PRSS23: variants seen among roughly 807,000 people sequenced by gnomAD.
PRSS23 encodes the protein protease, serine 23.
PRSS23 carries 25 observed loss-of-function variants against 34.7 expected under a neutral mutation model. The observed-to-expected ratio is 0.72, with a 90% CI of 0.53 to 1.01. The LOEUF (loss-of-function observed/expected upper bound fraction) is 1.01. Ranked by LOEUF, PRSS23 falls within the 50% of genes least tolerant of loss-of-function variation. The pLI is 0.00. For synonymous variants in PRSS23, 176 were observed against 186.6 expected, an observed-to-expected ratio of 0.94 and a Z score of 0.46; for missense variants, 445 against 475.6, an observed-to-expected ratio of 0.94 and a Z score of 0.60.
At chr11:86,812,987 C>G (rs1488378685), downstream of PRSS23, among the ~76,000 whole-genome samples, 1 of 152,008 alleles carries the variant, frequency 6.6e-6, no homozygotes, top group Non-Finnish European at 1.5e-5. Context: ...TTTAAAGATC[C>G]TCCCTCTTCT....
chr11:86,823,836 C>T (rs553686571), intron 2 of PRSS23, among the ~76,000 whole-genome samples: 1 of 151,762 alleles, frequency 6.6e-6, no homozygotes, highest in Admixed American at 6.6e-5. Flanking sequence ...GAAACCCCGT[C>T]TCTACTAAAA....
At chr11:86,860,549 G>T (rs77210065) in intron 2 of PRSS23, among the ~76,000 whole-genome samples, 9 of 151,898 alleles carry the variant, frequency 5.9e-5, no homozygotes, top group Non-Finnish European at 8.8e-5. Context: ...TATCCAGGGA[G>T]GGAGAGGATG....
chr11:86,796,407 C>T (rs555554373), upstream of PRSS23, among the ~76,000 whole-genome samples: 8 of 151,934 alleles, frequency 5.3e-5, no homozygotes, highest in South Asian at 1.7e-3. Context: ...TTTGGGAGGC[C>T]GAGGCGGGCG....
chr11:86,830,985 A>C, intron 2 of PRSS23, among the ~76,000 whole-genome samples: 1 of 152,048 alleles, frequency 6.6e-6, no homozygotes. Context: ...TGTTACTCCT[A>C]ATGTCACAGG....
chr11:86,878,472 C>T (rs999889269), intron 2 of PRSS23, among the ~76,000 whole-genome samples: 1 of 152,116 alleles, frequency 6.6e-6, no homozygotes, highest in Non-Finnish European at 1.5e-5. Context: ...GCTGTGTTGG[C>T]TGGGCTGGTC....
At chr11:86,828,139 G>T (rs1376063040) in intron 2 of PRSS23, among the ~76,000 whole-genome samples, 1 of 152,182 alleles carries the variant, frequency 6.6e-6, no homozygotes, top group African/African-American at 2.4e-5. Context: ...AAGTCTCTTT[G>T]TAGGTCACTC....
At position 86,843,486 on chromosome 11, in the gene PRSS23, C is replaced by T. The variant is rs543613405; in HGVS notation, c.206+19893C>T. 2.0e-5 allele frequency among the ~76,000 whole-genome samples: 3 copies of T among 152,234 alleles called. No homozygotes were observed. In the South Asian group the frequency reaches 6.2e-4, roughly 32 times the overall value. Reference sequence around the variant, plus strand: ...AACTACCATCAGAGTGAACAGGCAACCTACAGAATGGGAGAAAATTTTTGC... The same window carrying T: ...AACTACCATCAGAGTGAACAGGCAATCTACAGAATGGGAGAAAATTTTTGC... On this transcript the variant is annotated intron_variant, in intron 2 of 2. Transcript: ENST00000533902.
chr11:86,950,238 C>CT (rs1408217321), intron 2 of PRSS23: 1 of 152,658 alleles, frequency 6.6e-6, no homozygotes, highest in Non-Finnish European at 1.5e-5. Context: ...TAAGTCCCCA[C>CT]TGCTCAATGC....
intron 1 of PRSS23, 122 bp from the exon 2 acceptor site, chr11:86,807,509 T>C: frequency 2.1e-6 from 2 of 948,642 alleles, no homozygotes; most frequent in Non-Finnish European, 3.2e-6. Context: ...CTCCACACCC[T>C]GATTCCTGAG....
intron 2 of PRSS23, among the ~76,000 whole-genome samples, chr11:86,906,300 G>T (rs1205454968): frequency 2.0e-5 from 3 of 152,300 alleles, no homozygotes; most frequent in African/African-American, 7.2e-5. Flanking sequence ...TGTTTTCATC[G>T]AAACCCTAAG....
intron 2 of PRSS23, among the ~76,000 whole-genome samples, chr11:86,865,596 A>G (rs1948644627): frequency 1.3e-5 from 2 of 152,210 alleles, no homozygotes; most frequent in Admixed American, 1.3e-4. Context: ...TGTTGTACAA[A>G]GCTCAAGATA....
At chr11:86,932,846 G>A (rs1303957904) in intron 2 of PRSS23, 1 of 152,122 alleles carries the variant, frequency 6.6e-6, no homozygotes, top group Non-Finnish European at 1.5e-5. Context: ...TTTTATTAAT[G>A]GGTGTCTGTC....
At chr11:86,887,676 C>G (rs565778009) in intron 2 of PRSS23, among the ~76,000 whole-genome samples, 1 of 152,094 alleles carries the variant, frequency 6.6e-6, no homozygotes, top group Non-Finnish European at 1.5e-5. Context: ...TTTCTGTCTT[C>G]GAGGAGCTCA....
intron 2 of PRSS23, among the ~76,000 whole-genome samples, chr11:86,852,391 A>G (rs950259278): frequency 1.3e-4 from 20 of 152,180 alleles, no homozygotes; most frequent in Non-Finnish European, 2.6e-4. Flanking sequence ...GGATTTCCTC[A>G]TAATAATGCA....
intron 2 of PRSS23, among the ~76,000 whole-genome samples, chr11:86,853,301 C>A (rs543431570): frequency 5.3e-5 from 6 of 113,422 alleles, no homozygotes; most frequent in African/African-American, 1.7e-4. Flanking sequence ...GTCACCCAGG[C>A]TGGAGTTCAG....
At chr11:86,838,953 G>A (rs569097808) in intron 2 of PRSS23, among the ~76,000 whole-genome samples, 125 of 151,992 alleles carry the variant, frequency 8.2e-4, no homozygotes, top group Non-Finnish European at 1.5e-3. Flanking sequence ...TCAACAAAAA[G>A]GACATCCACA....
At chr11:86,890,682 G>A (rs1948835686) in intron 2 of PRSS23, among the ~76,000 whole-genome samples, 1 of 152,068 alleles carries the variant, frequency 6.6e-6, no homozygotes, top group African/African-American at 2.4e-5. Flanking sequence ...GTTAAATGAA[G>A]GTTGCCAGGT....
At chr11:86,830,463 C>T (rs1416296342) in intron 2 of PRSS23, among the ~76,000 whole-genome samples, 1 of 152,186 alleles carries the variant, frequency 6.6e-6, no homozygotes, top group Non-Finnish European at 1.5e-5. Flanking sequence ...CAGTGCCTCG[C>T]CCTGCTTCAG....
chr11:86,915,839 C>G (rs182063447), intron 2 of PRSS23, among the ~76,000 whole-genome samples: 23 of 151,916 alleles, frequency 1.5e-4, no homozygotes, highest in African/African-American at 5.6e-4. Flanking sequence ...TCACTTGAGG[C>G]CAGGAGTTCA....
Sources: allele counts gnomAD v4.1 joint callset (sites outside exome capture counted in the v4.1 genomes callset), GRCh38; gene constraint gnomAD v4.1.1; transcripts MANE v1.5; gene names NCBI Gene and HGNC (gene_info 2026-07-23, HGNC 2026-07-21).